TBC1D22A: variants seen among roughly 807,000 people sequenced by gnomAD.
The protein encoded by TBC1D22A is TBC1 domain family member 22A, also known as putative GTPase activator.
Under a neutral mutation model 60.2 loss-of-function variants are expected in TBC1D22A, and 38 were observed. The ratio of observed to expected loss-of-function variants is 0.63; its 90% CI spans 0.49 to 0.83. The LOEUF (loss-of-function observed/expected upper bound fraction) is 0.83, where lower values mean the gene tolerates loss of function less well. TBC1D22A is among the 40% of genes least tolerant of loss of function. TBC1D22A has a pLI of 0.00. For synonymous variants in TBC1D22A, 302 were observed against 281.7 expected (o/e 1.07, Z -0.72); for missense variants, 628 against 701.0 (o/e 0.90, Z 1.18).
intron 11 of TBC1D22A, among the ~76,000 whole-genome samples, chr22:47,064,513 A>G (rs188480523): frequency 1.6e-3 from 245 of 152,380 alleles, no homozygotes; most frequent in Middle Eastern, 6.8e-3. Flanking sequence ...ACATTTTCAG[A>G]AAACATTATT....
intron 8 of TBC1D22A, among the ~76,000 whole-genome samples, chr22:46,944,658 A>C (rs1045792029): frequency 1.3e-5 from 2 of 152,204 alleles, no homozygotes; most frequent in South Asian, 2.1e-4. Flanking sequence ...TTGGCCTCCC[A>C]AAGTGCTGGG....
chr22:46,854,722 G>A (rs2087479505), intron 4 of TBC1D22A, among the ~76,000 whole-genome samples: 1 of 152,142 alleles, frequency 6.6e-6, no homozygotes, highest in Non-Finnish European at 1.5e-5. Context: ...CTGGCAGGAG[G>A]TGAATCACAT....
At chr22:47,019,451 C>T (rs780262625) in intron 10 of TBC1D22A, among the ~76,000 whole-genome samples, 3 of 152,152 alleles carry the variant, frequency 2.0e-5, no homozygotes, top group African/African-American at 4.8e-5. Flanking sequence ...TCTGTGACAG[C>T]GAGCGTGAAG....
intron 1 of TBC1D22A, among the ~76,000 whole-genome samples, chr22:46,766,520 G>C (rs886489398): frequency 6.6e-6 from 1 of 152,054 alleles, no homozygotes; most frequent in Non-Finnish European, 1.5e-5. Context: ...ACTAGTAAGG[G>C]ATCTTTCAGA....
At chr22:47,154,636 G>A (rs564866081) in intron 12 of TBC1D22A, among the ~76,000 whole-genome samples, 8 of 152,294 alleles carry the variant, frequency 5.3e-5, no homozygotes, top group South Asian at 4.1e-4. Context: ...AGCAGGTAGC[G>A]GTTGCCTTTA....
intron 11 of TBC1D22A, among the ~76,000 whole-genome samples, chr22:47,057,626 G>A (rs918033315): frequency 6.6e-6 from 1 of 152,210 alleles, no homozygotes; most frequent in African/African-American, 2.4e-5. Flanking sequence ...AGACGAAGGA[G>A]GAGCAAAAGC....
intron 7 of TBC1D22A, among the ~76,000 whole-genome samples, chr22:46,908,501 A>G (rs1258545663): frequency 6.6e-6 from 1 of 152,146 alleles, no homozygotes; most frequent in Non-Finnish European, 1.5e-5. Flanking sequence ...TCCTTTATTT[A>G]CATGTCAGTT....
At chr22:46,880,501 A>G (rs140537) in intron 5 of TBC1D22A, among the ~76,000 whole-genome samples, 94,980 of 152,070 alleles carry the variant, frequency 0.62, 31,353 homozygotes, top group Middle Eastern at 0.84. Context: ...GGACAGGCAC[A>G]TGTAGTCCTT....
At chr22:46,934,107 A>G (rs1261166578) in intron 8 of TBC1D22A, among the ~76,000 whole-genome samples, 1 of 152,228 alleles carries the variant, frequency 6.6e-6, no homozygotes, top group African/African-American at 2.4e-5. Flanking sequence ...TTTTTGACCC[A>G]GTGAATGGGT....
intron 11 of TBC1D22A, among the ~76,000 whole-genome samples, chr22:47,086,971 C>T (rs1006204286): frequency 6.6e-6 from 1 of 152,230 alleles, no homozygotes; most frequent in Non-Finnish European, 1.5e-5. Context: ...GCTGAATAAG[C>T]TGTTCTACAC....
At chr22:47,067,072 C>T (rs1160689838) in intron 11 of TBC1D22A, among the ~76,000 whole-genome samples, 1 of 152,148 alleles carries the variant, frequency 6.6e-6, no homozygotes, top group East Asian at 1.9e-4. Context: ...TTGAGACCAC[C>T]CTGGCCAACA....
chr22:47,006,524 G>A (rs560038864), intron 10 of TBC1D22A, among the ~76,000 whole-genome samples: 49 of 152,328 alleles, frequency 3.2e-4, no homozygotes, highest in African/African-American at 9.1e-4. Context: ...GTGAGCCTGC[G>A]TCCACAGCAC....
rs1569291304 is a variant in TBC1D22A, at chr22:46,972,919, C to T, written c.1016-1371C>T. 2.0e-5 allele frequency among the ~76,000 whole-genome samples: 3 copies of T among 152,216 alleles called. No homozygotes were observed. The South Asian group carries it at 6.2e-4, about 32-fold the overall frequency. On this transcript the variant is annotated intron_variant, in intron 8 of 12. Transcript: ENST00000337137. ...CCCACCCTCCCACGTTCCCGCAGGTCCCGCCATGTTGGATGTGTCCAGGGC... is the reference window on the plus strand; with the variant it reads ...CCCACCCTCCCACGTTCCCGCAGGTTCCGCCATGTTGGATGTGTCCAGGGC...
chr22:47,145,432 C>T (rs2067252757), intron 12 of TBC1D22A, among the ~76,000 whole-genome samples: 1 of 152,228 alleles, frequency 6.6e-6, no homozygotes, highest in Non-Finnish European at 1.5e-5. Context: ...CCTCTTAGGA[C>T]TGTCATCACA....
intron 12 of TBC1D22A, among the ~76,000 whole-genome samples, chr22:47,168,206 C>G: frequency 7.0e-6 from 1 of 143,386 alleles, no homozygotes; most frequent in Non-Finnish European, 1.5e-5. Flanking sequence ...GGTGGAGATG[C>G]TGGGGAGAAC....
intron 12 of TBC1D22A, among the ~76,000 whole-genome samples, chr22:47,139,096 T>A (rs540981907): frequency 1.3e-5 from 2 of 152,222 alleles, no homozygotes; most frequent in African/African-American, 2.4e-5. Context: ...TCAGGCCTTT[T>A]GGCTTGGCCA....
intron 5 of TBC1D22A, among the ~76,000 whole-genome samples, chr22:46,882,232 T>A (rs2067885823): frequency 6.6e-6 from 1 of 152,230 alleles, no homozygotes. Flanking sequence ...TAGCATGCTG[T>A]GAACCATGCA....
chr22:46,930,993 G>GGGATAT (rs2071326882), intron 8 of TBC1D22A, among the ~76,000 whole-genome samples: 1 of 152,196 alleles, frequency 6.6e-6, no homozygotes, highest in African/African-American at 2.4e-5. Context: ...TTTAGAAGAA[G>GGGATAT]GGATATAGAG....
At chr22:47,083,548 C>T (rs571779841) in intron 11 of TBC1D22A, among the ~76,000 whole-genome samples, 4 of 152,262 alleles carry the variant, frequency 2.6e-5, no homozygotes, top group South Asian at 2.1e-4. Context: ...TAAATAAAGC[C>T]GTCAGCTCAG....
Sources: gnomAD v4.1 joint callset for allele counts (sites outside exome capture counted in the v4.1 genomes callset) on GRCh38, gnomAD v4.1.1 for gene constraint, MANE v1.5 for transcripts, NCBI Gene and HGNC (gene_info 2026-07-23, HGNC 2026-07-21) for gene names.